MGAT4C: variants seen among roughly 807,000 people sequenced by gnomAD.
MGAT4C encodes the protein MGAT4 family member C.
MGAT4C carries 19 observed loss-of-function variants against 40.1 expected under a neutral mutation model. That is an observed-to-expected ratio of 0.47 (90% CI 0.33 to 0.70). MGAT4C has a LOEUF of 0.70. Among genes scored for constraint, MGAT4C ranks in the 30% least tolerant of loss-of-function variants. The probability of loss-of-function intolerance (pLI) is 0.02; values close to 1 mark genes in which losing one functional copy is unlikely to be tolerated. For synonymous variants in MGAT4C, 181 were observed against 187.1 expected (o/e 0.97, Z 0.27); for missense variants, 491 against 563.2 (o/e 0.87, Z 1.30).
Position 85,979,365 on chromosome 12 carries a change from T to G in MGAT4C, c.1361A>C (p.His454Pro), listed in dbSNP as rs935258515. The change falls in exon 5 of 5, where the codon CAT becomes CCT. Residue 454 changes from histidine to proline, a missense_variant. His to Pro is a moderately conservative substitution (Grantham distance 77). Coordinates refer to ENST00000611864, the MANE Select transcript of MGAT4C (RefSeq NM_001351288.2). Reference protein sequence around the residue: ...GVNQKIPFDIHCMRIYVTKTQ... With the variant: ...GVNQKIPFDIPCMRIYVTKTQ... ...TTTGGTGACATATATCCTCATACAA[T>G]GTATATCAAATGGAATTTTTTGATT... is the stretch of plus-strand genomic sequence containing the variant. The G allele has an allele frequency of 7.4e-6, 12 of 1,612,602 alleles. No homozygotes were observed. Among genetic ancestry groups the G allele is most frequent in the Non-Finnish European group, 1.0e-5 (12 of 1,179,124 alleles).
chr12:86,707,544 T>TA (rs1213468313), intron 2 of MGAT4C, among the ~76,000 whole-genome samples: 2 of 149,924 alleles, frequency 1.3e-5, no homozygotes. Flanking sequence ...TTTTTTTTTT[T>TA]AATTGAGGTG....
At chr12:86,148,983 G>GT (rs1177908355) in intron 1 of MGAT4C, among the ~76,000 whole-genome samples, 1 of 152,034 alleles carries the variant, frequency 6.6e-6, no homozygotes, top group African/African-American at 2.4e-5. Flanking sequence ...GAAAATAAAA[G>GT]TTTAGCCCTG....
intron 2 of MGAT4C, among the ~76,000 whole-genome samples, chr12:86,647,995 T>A (rs1963590483): frequency 6.6e-6 from 1 of 151,916 alleles, no homozygotes; most frequent in Admixed American, 6.6e-5. Flanking sequence ...GACATATTTT[T>A]CTTGTTTACT....
At chr12:86,232,129 T>C (rs1280584352) in intron 1 of MGAT4C, among the ~76,000 whole-genome samples, 1 of 123,582 alleles carries the variant, frequency 8.1e-6, no homozygotes, top group Admixed American at 9.5e-5. Flanking sequence ...AGCGAGACTC[T>C]CTTCCAAAAA....
chr12:86,686,598 G>GT (rs1950077140), intron 2 of MGAT4C, among the ~76,000 whole-genome samples: 1 of 152,262 alleles, frequency 6.6e-6, no homozygotes, highest in African/African-American at 2.4e-5. Context: ...ATAATCATGT[G>GT]TTTTTTGTCA....
chr12:86,774,281 C>CTCTCTCTTTCTTTCTTTCTTTCTTTCTT (rs1951692733), intron 1 of MGAT4C, among the ~76,000 whole-genome samples: 2 of 58,934 alleles, frequency 3.4e-5, no homozygotes, highest in African/African-American at 1.3e-4. Flanking sequence ...CTAAGGCTTG[C>CTCTCTCTTTCTTTCTTTCTTTCTTTCTT]TCTTTCTTTC....
chr12:86,748,694 G>A (rs370162845), intron 1 of MGAT4C, among the ~76,000 whole-genome samples: 1 of 151,580 alleles, frequency 6.6e-6, no homozygotes, highest in East Asian at 1.9e-4. Context: ...ATCAATAATT[G>A]AGTATCCATA....
Position 86,065,660 on chromosome 12 carries a change from T to C in MGAT4C, c.-56-15937A>G, listed in dbSNP as rs1894470037. On this transcript the variant is annotated intron_variant, in intron 1 of 4. Coordinates refer to ENST00000611864, the MANE Select transcript of MGAT4C (RefSeq NM_001351288.2). Reference sequence around the variant, plus strand: ...TTTGAAAAACGGGAGAAGACAAGGGTGCCCTCTCTCAGCACTCCTATTCAA... The same window carrying C: ...TTTGAAAAACGGGAGAAGACAAGGGCGCCCTCTCTCAGCACTCCTATTCAA... Among the ~76,000 whole-genome samples, 3 of 152,046 alleles carry C rather than the reference T, an allele frequency of 2.0e-5. No individual in the cohort carries two copies. In the South Asian group the frequency reaches 6.2e-4, roughly 32 times the overall value.
At chr12:86,371,410 C>A (rs1027938704) in intron 3 of MGAT4C, among the ~76,000 whole-genome samples, 5 of 151,986 alleles carry the variant, frequency 3.3e-5, no homozygotes, top group African/African-American at 1.2e-4. Flanking sequence ...TAAATTTGCT[C>A]TTATGATTCC....
chr12:86,212,924 A>AC lies in MGAT4C; in HGVS notation c.-57+43314dup, dbSNP rs1566156049. On this transcript the variant is annotated intron_variant, in intron 1 of 4. Coordinates refer to ENST00000611864, the MANE Select transcript of MGAT4C (RefSeq NM_001351288.2). ...AAAAAAAAAAAAAAAAAAAAAAAGA[A>AC]CACTCATTAACTGTTAGTGAGATTA... Among the ~76,000 whole-genome samples, 4 of 143,676 alleles carry AC rather than the reference A, an allele frequency of 2.8e-5. 1 individual carries two copies. Among genetic ancestry groups the AC allele is most frequent in the Non-Finnish European group, 4.6e-5 (3 of 65,600 alleles). 94.3% of individuals were successfully genotyped at this position (143,676 alleles called of 152,430 possible).
chr12:86,242,900 A>G (rs1345489192), intron 1 of MGAT4C, among the ~76,000 whole-genome samples: 1 of 152,146 alleles, frequency 6.6e-6, no homozygotes, highest in Admixed American at 6.5e-5. Context: ...GACTCTAGCT[A>G]CTAACAGAGC....
chr12:86,378,635 C>G (rs1955874973), intron 3 of MGAT4C, among the ~76,000 whole-genome samples: 1 of 152,024 alleles, frequency 6.6e-6, no homozygotes, highest in Admixed American at 6.6e-5. Flanking sequence ...AAATAATGAC[C>G]TACAGAAAGT....
intron 3 of MGAT4C, among the ~76,000 whole-genome samples, chr12:86,340,093 TAA>T (rs1338950154): frequency 6.6e-6 from 1 of 152,236 alleles, no homozygotes; most frequent in African/African-American, 2.4e-5. Flanking sequence ...TCCACTAATA[TAA>T]GTTACAATCT....
At chr12:86,132,194 T>A (rs1412712818) in intron 1 of MGAT4C, among the ~76,000 whole-genome samples, 1 of 152,192 alleles carries the variant, frequency 6.6e-6, no homozygotes, top group Non-Finnish European at 1.5e-5. Flanking sequence ...ACTCAATAAA[T>A]ACTTTCTGAT....
chr12:86,723,377 T>C (rs991796932), intron 2 of MGAT4C, among the ~76,000 whole-genome samples: 1 of 152,156 alleles, frequency 6.6e-6, no homozygotes, highest in African/African-American at 2.4e-5. Flanking sequence ...CATCAGAAAT[T>C]TATTGTCTCA....
chr12:86,695,577 C>T (rs1950241410), intron 2 of MGAT4C, among the ~76,000 whole-genome samples: 1 of 152,140 alleles, frequency 6.6e-6, no homozygotes, highest in South Asian at 2.1e-4. Flanking sequence ...CAATGGAGTA[C>T]TATTCATCCA....
At chr12:86,324,738 A>G (rs1485367772) in intron 4 of MGAT4C, among the ~76,000 whole-genome samples, 1 of 152,118 alleles carries the variant, frequency 6.6e-6, no homozygotes, top group Non-Finnish European at 1.5e-5. Flanking sequence ...TTAGAAAAAC[A>G]ATCAATATTT....
chr12:86,327,055 T>C (rs1259142240), intron 4 of MGAT4C, among the ~76,000 whole-genome samples: 3 of 152,292 alleles, frequency 2.0e-5, no homozygotes, highest in African/African-American at 7.2e-5. Context: ...TATAATTAGT[T>C]ATGTATGTAC....
At chr12:86,414,210 C>A (rs918074141) in intron 3 of MGAT4C, among the ~76,000 whole-genome samples, 1 of 151,840 alleles carries the variant, frequency 6.6e-6, no homozygotes, top group Non-Finnish European at 1.5e-5. Flanking sequence ...ACTAAATTGA[C>A]TATTGTGGGA....
Sources: allele counts gnomAD v4.1 joint callset (sites outside exome capture counted in the v4.1 genomes callset), GRCh38; gene constraint gnomAD v4.1.1; transcripts MANE v1.5; gene names NCBI Gene and HGNC (gene_info 2026-07-23, HGNC 2026-07-21).